FSTL1: variants seen among roughly 807,000 people sequenced by gnomAD.
FSTL1 encodes follistatin like 1.
A neutral mutation model predicts 45.9 loss-of-function variants in FSTL1; 24 were observed. That is an observed-to-expected ratio of 0.52 (90% CI 0.38 to 0.74). FSTL1 has a LOEUF of 0.74. Among genes scored for constraint, FSTL1 ranks in the 30% least tolerant of loss-of-function variants. The pLI is 0.00. For missense variants in FSTL1, 340 were observed against 381.8 expected (o/e 0.89, Z 0.91); for synonymous variants, 120 against 137.6 (o/e 0.87, Z 0.89).
chr3:120,403,977 A>AAC (rs1936895181), intron 7 of FSTL1, among the ~76,000 whole-genome samples: 1 of 97,222 alleles, frequency 1.0e-5, no homozygotes, highest in African/African-American at 3.3e-5. Context: ...CAAAAACAAA[A>AAC]AAAAACAAAA....
At chr3:120,402,749 G>T in intron 9 of FSTL1, 59 bp downstream of exon 9, 1 of 1,069,330 alleles carries the variant, frequency 9.4e-7, no homozygotes, top group Non-Finnish European at 1.5e-6. Flanking sequence ...CTTCTCTCAT[G>T]CTGATTTCAT....
chr3:120,419,134 GCA>G (rs1337592077), intron 2 of FSTL1: 1 of 152,216 alleles, frequency 6.6e-6, no homozygotes, highest in Non-Finnish European at 1.5e-5. Context: ...ATGCAGAAGC[GCA>G]GTGTTGGCTC....
chr3:120,411,871 T>A lies in FSTL1; in HGVS notation c.281A>T (p.Tyr94Phe). ...CACCTTACCTTTGCAGTGTCCATCGTAATCAACCTGGATTTTGGATCCAGT... is the reference window on the plus strand; with the variant it reads ...CACCTTACCTTTGCAGTGTCCATCGAAATCAACCTGGATTTTGGATCCAGT... Reference protein sequence around the residue: ...CLTGSKIQVDYDGHCKEKKSV... With the variant: ...CLTGSKIQVDFDGHCKEKKSV... Residue 94 changes from tyrosine to phenylalanine, a missense_variant, in exon 4 of 11, where the codon TAC becomes TTC. Coordinates refer to ENST00000295633, the MANE Select transcript of FSTL1 (RefSeq NM_007085.5). The A allele has an allele frequency of 1.9e-6, 3 of 1,614,090 alleles. No individual in the cohort carries two copies. Among genetic ancestry groups the A allele is most frequent in the Non-Finnish European group, 2.5e-6 (3 of 1,179,902 alleles).
At chr3:120,406,565 G>A (rs1248844509) in intron 6 of FSTL1, among the ~76,000 whole-genome samples, 1 of 152,230 alleles carries the variant, frequency 6.6e-6, no homozygotes, top group African/African-American at 2.4e-5. Flanking sequence ...GCAGCTGGGG[G>A]AAGGTCCAGC....
At chr3:120,450,770 G>C (rs746132910) in intron 1 of FSTL1, 24 bp from the exon 2 acceptor site, 10 of 1,546,618 alleles carry the variant, frequency 6.5e-6, no homozygotes, top group South Asian at 1.2e-5. Flanking sequence ...AAGAGAGCGA[G>C]TCTGAAGGCG....
chr3:120,400,926 G>A (rs1377936644), intron 9 of FSTL1, among the ~76,000 whole-genome samples: 1 of 152,212 alleles, frequency 6.6e-6, no homozygotes, highest in African/African-American at 2.4e-5. Context: ...ATCCAGGGAG[G>A]ATGAGCAGCC....
chr3:120,396,822 CAAAAT>C lies in FSTL1; in HGVS notation c.*125_*129del, dbSNP rs1450500098. On this transcript the variant is annotated 3_prime_UTR_variant, in exon 11 of 11. Coordinates refer to ENST00000295633, the MANE Select transcript of FSTL1 (RefSeq NM_007085.5). ...TATCCTTTATTGCAAAACAAATAAA[CAAAAT>C]AAAACTCATTGCTATATAAGCAAAT... 3 of 722,426 alleles carry C rather than the reference CAAAAT, an allele frequency of 4.2e-6. No homozygotes were observed. Among genetic ancestry groups the C allele is most frequent in the Non-Finnish European group, 7.4e-6 (3 of 405,750 alleles). The allele number at this position is 722,426 out of a possible 1,614,324, so 44.8% of individuals were successfully genotyped here.
chr3:120,416,449 G>A (rs1937188450), intron 2 of FSTL1, among the ~76,000 whole-genome samples: 2 of 152,220 alleles, frequency 1.3e-5, no homozygotes, highest in South Asian at 2.1e-4. Flanking sequence ...AACACAGGAA[G>A]TGCAAGAACA....
At chr3:120,408,206 G>A (rs1208845209) in intron 6 of FSTL1, among the ~76,000 whole-genome samples, 1 of 152,184 alleles carries the variant, frequency 6.6e-6, no homozygotes, top group Non-Finnish European at 1.5e-5. Flanking sequence ...CAAGTCTCCT[G>A]GCTCAGCACT....
At chr3:120,430,221 T>A (rs1235767818) in intron 2 of FSTL1, among the ~76,000 whole-genome samples, 1 of 152,110 alleles carries the variant, frequency 6.6e-6, no homozygotes, top group African/African-American at 2.4e-5. Context: ...TCTCCTAGAA[T>A]TTTCTCAGAG....
Position 120,418,498 on chromosome 3 carries a change from G to C in FSTL1, c.64-2471C>G, listed in dbSNP as rs180934326. 6.6e-5 allele frequency among the ~76,000 whole-genome samples: 10 copies of C among 152,344 alleles called. No individual in the cohort carries two copies. The East Asian group carries it at 1.5e-3, about 23-fold the overall frequency. ...GCCCCATTTCACAGGTGAGAGAGCA[G>C]AGGCTTAAATAACTAGAAAGTGGCA... is the stretch of plus-strand genomic sequence containing the variant. On this transcript the variant is annotated intron_variant, in intron 2 of 10. Coordinates refer to ENST00000295633, the MANE Select transcript of FSTL1 (RefSeq NM_007085.5).
At position 120,411,845 on chromosome 3, in the gene FSTL1, A is replaced by G; in HGVS notation, c.298+9T>C. The G allele has an allele frequency of 1.2e-6, 2 of 1,612,820 alleles. No individual in the cohort carries two copies. The highest frequency in any genetic ancestry group is 8.5e-7 in the Non-Finnish European group (1 of 1,178,968). ...AAAGCTGCCTTGCAGTGGTGAGAGC[A>G]CACCTTACCTTTGCAGTGTCCATCG... On this transcript the variant is annotated intron_variant, in intron 4 of 10. Coordinates refer to ENST00000295633, the MANE Select transcript of FSTL1 (RefSeq NM_007085.5).
At chr3:120,398,440 G>C (rs1936750205) in intron 10 of FSTL1, among the ~76,000 whole-genome samples, 1 of 152,062 alleles carries the variant, frequency 6.6e-6, no homozygotes, top group Non-Finnish European at 1.5e-5. Context: ...ACACTGATAG[G>C]CCACAAATGC....
intron 2 of FSTL1, among the ~76,000 whole-genome samples, chr3:120,424,920 AG>A (rs1397841850): frequency 4.6e-5 from 7 of 152,114 alleles, no homozygotes; most frequent in African/African-American, 1.7e-4. Flanking sequence ...TATTGGCTAA[AG>A]ATGCATATCT....
chr3:120,404,855 A>C lies in FSTL1; in HGVS notation c.579T>G (p.Leu193=). 6.8e-7 allele frequency: 1 copy of C among 1,466,136 alleles called. No homozygotes were observed. Among genetic ancestry groups the C allele is most frequent in the Admixed American group, 1.7e-5 (1 of 59,834 alleles). The allele number at this position is 1,466,136 out of a possible 1,614,324, so 90.8% of individuals were successfully genotyped here. A position where few individuals can be genotyped will look rare whatever the true frequency, so the allele number is the denominator to read the frequency against. Residue 193 remains leucine, a splice_region_variant and synonymous_variant, in exon 7 of 11, where the codon CTT becomes CTG. Transcript: ENST00000295633. ...TYPDQENNKL[L]RGLCVDALIE... is the part of the protein sequence containing the mutation. ...TCTGACCTCTCGGTTCCTCTCACCT[A>C]AGCAACTTGTTGTTCTCCTGGTCTG... is the stretch of plus-strand genomic sequence containing the variant.
At chr3:120,397,722 G>A (rs1936730755) in intron 10 of FSTL1, among the ~76,000 whole-genome samples, 1 of 152,326 alleles carries the variant, frequency 6.6e-6, no homozygotes, top group African/African-American at 2.4e-5. Context: ...TAAACATGGA[G>A]TCACCGTATG....
intron 2 of FSTL1, among the ~76,000 whole-genome samples, chr3:120,447,905 C>T (rs1177788742): frequency 6.6e-6 from 1 of 152,208 alleles, no homozygotes; most frequent in Non-Finnish European, 1.5e-5. Context: ...CCCGTCTTGG[C>T]CTCCCAAAGT....
Position 120,395,584 on chromosome 3 carries a change from C to T in FSTL1, c.*1368G>A, listed in dbSNP as rs891649680. On this transcript the variant is annotated 3_prime_UTR_variant, in exon 11 of 11. Transcript: ENST00000295633. ...CCCATGAGGACTCCATATCATAGCA[C>T]GACCTGTAGGGTCATCAGGCTGAGA... The T allele has an allele frequency of 1.8e-5, 9 of 496,802 alleles. No individual in the cohort carries two copies. Among genetic ancestry groups the T allele is most frequent in the East Asian group, 6.0e-5 (1 of 16,698 alleles). The allele number at this position is 496,802 out of a possible 1,614,324, so 30.8% of individuals were successfully genotyped here.
At chr3:120,413,774 A>C (rs1283055406) in intron 3 of FSTL1, among the ~76,000 whole-genome samples, 1 of 99,352 alleles carries the variant, frequency 1.0e-5, no homozygotes, top group Non-Finnish European at 2.1e-5. Flanking sequence ...ATTAAAAAAA[A>C]AACTCCCTCT....
Sources: allele counts gnomAD v4.1 joint callset (sites outside exome capture counted in the v4.1 genomes callset), GRCh38; gene constraint gnomAD v4.1.1; transcripts MANE v1.5; gene names NCBI Gene and HGNC (gene_info 2026-07-23, HGNC 2026-07-21).